The following IL7 variants were observed in gnomAD, a reference collection of about 807,000 sequenced individuals.
IL7 encodes interleukin-7.
Under a neutral mutation model 21.6 loss-of-function variants are expected in IL7, and 3 were observed. The ratio of observed to expected loss-of-function variants is 0.14; its 90% CI spans 0.06 to 0.36. The LOEUF (loss-of-function observed/expected upper bound fraction) is 0.36. Among genes scored for constraint, IL7 ranks in the 10% least tolerant of loss-of-function variants. The pLI, the probability that IL7 is intolerant of heterozygous loss-of-function variation, is 1.00. For synonymous variants in IL7, 62 were observed against 68.1 expected (o/e 0.91, Z 0.44); for missense variants, 175 against 200.2 (o/e 0.87, Z 0.76).
chr8:78,675,976 G>T, exon 5 of IL7: 1 of 800,750 alleles, frequency 1.2e-6, no homozygotes, highest in Middle Eastern at 2.5e-4. Flanking sequence ...AGAGTTAATG[G>T]GTACTATTCT....
At chr8:78,791,066 T>G (rs994157992) in intron 2 of IL7, among the ~76,000 whole-genome samples, 6 of 152,012 alleles carry the variant, frequency 3.9e-5, no homozygotes, top group African/African-American at 1.4e-4. Flanking sequence ...AACCCATACA[T>G]CTCTGGTGAA....
At chr8:78,717,798 C>T (rs755197114), downstream of IL7, 7 of 187,534 alleles carry the variant, frequency 3.7e-5, no homozygotes, top group African/African-American at 7.0e-5. Context: ...TGTTAAAGCA[C>T]GTTAAGTACA....
intron 3 of IL7, among the ~76,000 whole-genome samples, chr8:78,701,234 A>G (rs1482760206): frequency 1.3e-5 from 2 of 151,944 alleles, no homozygotes; most frequent in Non-Finnish European, 2.9e-5. Context: ...ATTCTTAGGT[A>G]TTTTATTCTT....
intron 3 of IL7, among the ~76,000 whole-genome samples, chr8:78,724,582 T>C (rs1811308200): frequency 6.6e-6 from 1 of 152,054 alleles, no homozygotes; most frequent in Admixed American, 6.6e-5. Context: ...AAAATTTTAT[T>C]TTAAACATTA....
intron 4 of IL7, among the ~76,000 whole-genome samples, chr8:78,677,984 G>T (rs912103485): frequency 3.3e-5 from 5 of 152,144 alleles, no homozygotes; most frequent in African/African-American, 1.2e-4. Context: ...GTAACTTCCT[G>T]ATGTTGCCAT....
chr8:78,714,006 C>A (rs1043554351), downstream of IL7, among the ~76,000 whole-genome samples: 2 of 152,128 alleles, frequency 1.3e-5, no homozygotes, highest in Admixed American at 6.5e-5. Flanking sequence ...AGGGTACTCT[C>A]TCCTACTTTG....
At chr8:78,732,354 T>C (rs540437922), downstream of IL7, among the ~76,000 whole-genome samples, 3 of 152,098 alleles carry the variant, frequency 2.0e-5, no homozygotes, top group East Asian at 5.8e-4. Context: ...GTCATATGGG[T>C]CAAGGAAAGT....
intron 1 of IL7, among the ~76,000 whole-genome samples, chr8:78,802,434 CTT>C (rs1237582264): frequency 6.3e-5 from 9 of 143,376 alleles, no homozygotes; most frequent in Admixed American, 7.0e-5. Context: ...TTTTCTCTCT[CTT>C]TTTTTTTTTT....
chr8:78,707,139 C>T (rs866683826), intron 3 of IL7, among the ~76,000 whole-genome samples: 1 of 152,054 alleles, frequency 6.6e-6, no homozygotes. Context: ...GTCATTTTAC[C>T]ATATCACAGA....
At chr8:78,751,648 C>T (rs1812177203) in intron 2 of IL7, among the ~76,000 whole-genome samples, 1 of 152,050 alleles carries the variant, frequency 6.6e-6, no homozygotes, top group African/African-American at 2.4e-5. Context: ...ACACAATAGT[C>T]GTACATATTT....
chr8:78,675,613 GATAACTAAGT>G (rs1288260597), downstream of IL7: 27 of 559,868 alleles, frequency 4.8e-5, no homozygotes, highest in East Asian at 6.8e-4. Flanking sequence ...TTTCACCACT[GATAACTAAGT>G]ATTATGCTCC....
downstream of IL7, among the ~76,000 whole-genome samples, chr8:78,730,419 CTAT>C (rs1434789936): frequency 6.6e-6 from 1 of 151,830 alleles, no homozygotes; most frequent in Non-Finnish European, 1.5e-5. Context: ...TCCATAGATT[CTAT>C]TATTTGGTCA....
chr8:78,727,817 A>G (rs1023012894), downstream of IL7, among the ~76,000 whole-genome samples: 13 of 151,958 alleles, frequency 8.6e-5, no homozygotes, highest in South Asian at 6.2e-4. Flanking sequence ...AGAAGGTTCT[A>G]TGTTCACAGA....
At chr8:78,725,697 A>G (rs887706360) in intron 3 of IL7, among the ~76,000 whole-genome samples, 4 of 151,988 alleles carry the variant, frequency 2.6e-5, no homozygotes, top group African/African-American at 9.7e-5. Context: ...CCTTAACCCA[A>G]TCGTAGTGTT....
At chr8:78,706,601 CCT>C (rs1355672504) in intron 3 of IL7, among the ~76,000 whole-genome samples, 1 of 152,208 alleles carries the variant, frequency 6.6e-6, no homozygotes, top group African/African-American at 2.4e-5. Flanking sequence ...TGTCATCCTG[CCT>C]CTCTTTTCTT....
intron 2 of IL7, among the ~76,000 whole-genome samples, chr8:78,771,456 T>G (rs1452879686): frequency 6.6e-6 from 1 of 152,042 alleles, no homozygotes; most frequent in East Asian, 1.9e-4. Context: ...ACTTAGTTAA[T>G]TATAGGCAAA....
intron 2 of IL7, among the ~76,000 whole-genome samples, chr8:78,745,093 C>T (rs566000246): frequency 6.6e-6 from 1 of 152,354 alleles, no homozygotes; most frequent in South Asian, 2.1e-4. Flanking sequence ...CGAGCTGCTT[C>T]TAGTTGGCCA....
intron 2 of IL7, among the ~76,000 whole-genome samples, chr8:78,758,219 G>A (rs1166064595): frequency 6.6e-6 from 1 of 152,022 alleles, no homozygotes; most frequent in Admixed American, 6.6e-5. Flanking sequence ...TACCCATTCA[G>A]CCAGTCTATA....
rs753164075 is a variant in IL7, at chr8:78,798,083, C to G, written c.136G>C (p.Asp46His). 4.4e-6 allele frequency: 7 copies of G among 1,599,582 alleles called. No individual in the cohort carries two copies. The highest frequency in any genetic ancestry group is 6.0e-6 in the Non-Finnish European group (7 of 1,172,344). Residue 46 changes from aspartate to histidine, a missense_variant, in exon 2 of 6, where the codon GAT (aspartate) becomes CAT (histidine). Coordinates refer to ENST00000263851, the MANE Select transcript of IL7 (RefSeq NM_000880.4). ...AAATAATCACATACCAATAATTGAT[C>G]GATGCTGACCATTAGAACACTCTCA... ...QYESVLMVSI[D>H]QLLDSMKEIG...
Sources: gnomAD v4.1 joint callset for allele counts (sites outside exome capture counted in the v4.1 genomes callset) on GRCh38, gnomAD v4.1.1 for gene constraint, MANE v1.5 for transcripts, NCBI Gene and HGNC (gene_info 2026-07-23, HGNC 2026-07-21) for gene names.